Variants in LIG1 observed in about 807,000 individuals in gnomAD.
LIG1 encodes ligase I, DNA, ATP-dependent.
Under a neutral mutation model 115.7 loss-of-function variants are expected in LIG1, and 70 were observed. The observed-to-expected ratio is 0.60, with a 90% CI of 0.50 to 0.74. LIG1 has a LOEUF of 0.74. Among genes scored for constraint, LIG1 ranks in the 30% least tolerant of loss-of-function variants. The pLI, the probability that LIG1 is intolerant of heterozygous loss-of-function variation, is 0.00. For missense variants in LIG1, 1,115 were observed against 1,225.6 expected, an observed-to-expected ratio of 0.91 and a Z score of 1.35; for synonymous variants, 487 against 495.3, an observed-to-expected ratio of 0.98 and a Z score of 0.22.
intron 21 of LIG1, among the ~76,000 whole-genome samples, chr19:48,125,880 C>T (rs958656822): frequency 6.7e-6 from 1 of 149,704 alleles, no homozygotes; most frequent in African/African-American, 2.5e-5. Context: ...CCCAGCTACT[C>T]GGGAGGCTGA....
intron 24 of LIG1, chr19:48,120,858 C>T: frequency 1.1e-6 from 1 of 927,946 alleles, no homozygotes; most frequent in South Asian, 2.7e-5. Context: ...TCCCTAATGG[C>T]ATCAGACTGC....
At chr19:48,135,865 G>A in intron 15 of LIG1, 86 bp from the exon 16 acceptor site, 2 of 1,337,156 alleles carry the variant, frequency 1.5e-6, no homozygotes, top group Admixed American at 3.4e-5. Context: ...TGTATGGCAA[G>A]GAATGCAGAT....
Position 48,149,767 on chromosome 19 carries a change from C to T in LIG1, c.772G>A (p.Glu258Lys). The T allele has an allele frequency of 6.2e-7, 1 of 1,613,774 alleles. No individual in the cohort carries two copies. Among genetic ancestry groups the T allele is most frequent in the Non-Finnish European group, 8.5e-7 (1 of 1,179,642 alleles). The change falls in exon 9 of 28, where the codon GAG becomes AAG. Residue 258 changes from glutamate (E) to lysine (K), a missense_variant. By Grantham distance (56) the Glu-to-Lys change is moderately conservative. Coordinates refer to ENST00000263274, the MANE Select transcript of LIG1 (RefSeq NM_000234.3). ...PGAPGKEGAAEGPLDPSGYNP... is the reference protein window; with the variant it reads ...PGAPGKEGAAKGPLDPSGYNP... ...CAGACCTGGACACTGACTCACCCCT[C>T]AGCAGCTCCCTCCTTTCCTGGAGCC...
At chr19:48,135,091 G>A (rs1292478377) in intron 16 of LIG1, among the ~76,000 whole-genome samples, 1 of 152,198 alleles carries the variant, frequency 6.6e-6, no homozygotes, top group African/African-American at 2.4e-5. Flanking sequence ...TGCATGCACA[G>A]CCCTGTCTGG....
intron 16 of LIG1, among the ~76,000 whole-genome samples, chr19:48,135,338 G>A (rs1407579432): frequency 1.3e-5 from 2 of 152,278 alleles, no homozygotes; most frequent in African/African-American, 4.8e-5. Context: ...GGCCAGGCTG[G>A]TCTCAAACTC....
At chr19:48,127,638 G>A in intron 20 of LIG1, 1 of 609,970 alleles carries the variant, frequency 1.6e-6, no homozygotes. Context: ...GGAAACCTGT[G>A]GGGTGCAGGT....
At position 48,121,368 on chromosome 19, in the gene LIG1, C is replaced by T. The variant is rs153023; in HGVS notation, c.2233-46G>A. 673,477 of 1,526,412 alleles carry T rather than the reference C, an allele frequency of 0.44. 151,951 individuals carry two copies. The highest frequency in any genetic ancestry group is 0.77 in the East Asian group (32,528 of 42,372). The allele number at this position is 1,526,412 out of a possible 1,614,324, so 94.6% of individuals were successfully genotyped here. A position where few individuals can be genotyped will look rare whatever the true frequency, so the allele number is the denominator to read the frequency against. ...AGATGAGAAGGGGGAGCGCCCAAGG[C>T]GGGGCCCTCACTGCTGGGGAGGGGC... On this transcript the variant is annotated intron_variant, in intron 23 of 27. Transcript: ENST00000263274.
chr19:48,165,885 A>T (rs1402721237), intron 1 of LIG1: 1 of 450,536 alleles, frequency 2.2e-6, no homozygotes, highest in East Asian at 4.2e-5. Flanking sequence ...TGAGGAATAG[A>T]CTGAGGACCT....
intron 2 of LIG1, among the ~76,000 whole-genome samples, chr19:48,163,226 T>A (rs368845892): frequency 0.024 from 1,017 of 42,044 alleles, 8 homozygotes; most frequent in Non-Finnish European, 0.047. Flanking sequence ...CCTAAAAAAA[T>A]TTTTTTTTTT....
At chr19:48,150,429 T>C (rs1434618870) in intron 7 of LIG1, among the ~76,000 whole-genome samples, 1 of 152,158 alleles carries the variant, frequency 6.6e-6, no homozygotes, top group East Asian at 1.9e-4. Flanking sequence ...AATAGGAGAC[T>C]TAGGAATAGT....
At position 48,122,589 on chromosome 19, in the gene LIG1, C is replaced by T. The variant is rs1031580785; in HGVS notation, c.2232+345G>A. 2.0e-5 allele frequency among the ~76,000 whole-genome samples: 3 copies of T among 152,246 alleles called. No individual in the cohort carries two copies. The highest frequency in any genetic ancestry group is 7.2e-5 in the African/African-American group (3 of 41,468). ...GGAGCTGACTTGCTTTTCTTCATGGCGCCCACTCCTGCCTGACTTTCTCTT... is the reference window on the plus strand; with the variant it reads ...GGAGCTGACTTGCTTTTCTTCATGGTGCCCACTCCTGCCTGACTTTCTCTT... On this transcript the variant is annotated intron_variant, in intron 23 of 27. Coordinates refer to ENST00000263274, the MANE Select transcript of LIG1 (RefSeq NM_000234.3). The surrounding 1 kb of genome is among the most constrained non-coding windows in gnomAD (Gnocchi z 4.3).
Position 48,150,208 on chromosome 19 carries a change from C to T in LIG1, c.577G>A (p.Ala193Thr), listed in dbSNP as rs761623501. 2 of 1,614,168 alleles carry T rather than the reference C, an allele frequency of 1.2e-6. No individual in the cohort carries two copies. Among genetic ancestry groups the T allele is most frequent in the Non-Finnish European group, 1.7e-6 (2 of 1,180,040 alleles). ...TPPKPLKTSKAETPTESVSEP... is the reference protein window; with the variant it reads ...TPPKPLKTSKTETPTESVSEP... ...GAAACGCTTTCCGTCGGGGTCTCTGCTTCTGCGGTGAGAGAGCTCAGACGG... is the reference window on the plus strand; with the variant it reads ...GAAACGCTTTCCGTCGGGGTCTCTGTTTCTGCGGTGAGAGAGCTCAGACGG... The change falls in exon 8 of 28, where the codon GCA (alanine) becomes ACA (threonine). Residue 193 changes from alanine (A) to threonine (T), a missense_variant and splice_region_variant. Transcript: ENST00000263274.
intron 24 of LIG1, among the ~76,000 whole-genome samples, chr19:48,119,464 G>A (rs1461338252): frequency 2.7e-5 from 4 of 150,914 alleles, no homozygotes; most frequent in Non-Finnish European, 4.4e-5. Context: ...CTGGCCCCAG[G>A]AAGTCACTCC....
At chr19:48,162,386 A>C (rs200748971) in intron 2 of LIG1, 35 bp from the exon 3 acceptor site, 717 of 1,476,844 alleles carry the variant, frequency 4.9e-4, no homozygotes, top group South Asian at 2.8e-3. Context: ...AAAAAGGAGA[A>C]TAACAGCACC....
chr19:48,163,859 G>C (rs2036327030), intron 2 of LIG1, among the ~76,000 whole-genome samples: 1 of 151,222 alleles, frequency 6.6e-6, no homozygotes, highest in South Asian at 2.1e-4. Context: ...GCAGGGGAAT[G>C]GCCTGAACCT....
chr19:48,154,478 G>T, intron 5 of LIG1: 1 of 210,062 alleles, frequency 4.8e-6, no homozygotes, highest in South Asian at 8.5e-5. Context: ...CCGTTCCCCA[G>T]AGAATCCCAC....
intron 1 of LIG1, among the ~76,000 whole-genome samples, chr19:48,165,968 AAAC>A (rs2036459302): frequency 6.6e-6 from 1 of 152,242 alleles, no homozygotes; most frequent in Admixed American, 6.5e-5. Context: ...TAATTCCGTG[AAAC>A]AACTGTGGAA....
Position 48,117,502 on chromosome 19 carries a change from C to CA in LIG1, c.2583+135dup, listed in dbSNP as rs2032933689. 3.0e-6 allele frequency: 3 copies of CA among 1,009,006 alleles called. No homozygotes were observed. The Admixed American group carries it at 7.4e-5, about 25-fold the overall frequency. The allele number at this position is 1,009,006 out of a possible 1,614,324, so 62.5% of individuals were successfully genotyped here. On this transcript the variant is annotated intron_variant, in intron 26 of 27. Transcript: ENST00000263274. ...TGTTTTGATCTTTTTATCTGACACT[C>CA]AAATAAAATGCAAGCTCATCTTCCT...
intron 4 of LIG1, among the ~76,000 whole-genome samples, chr19:48,160,248 G>A (rs1408708321): frequency 6.6e-6 from 1 of 152,218 alleles, no homozygotes; most frequent in Non-Finnish European, 1.5e-5. Flanking sequence ...AGCTAACATA[G>A]GTGGTGAGGA....
Sources: allele counts gnomAD v4.1 joint callset (sites outside exome capture counted in the v4.1 genomes callset), GRCh38; gene constraint gnomAD v4.1.1; non-coding constraint Gnocchi (gnomAD v3.1); transcripts MANE v1.5; gene names NCBI Gene and HGNC (gene_info 2026-07-23, HGNC 2026-07-21).